Variants in INPP4B observed in about 807,000 individuals in gnomAD.
The protein encoded by INPP4B is inositol polyphosphate-4-phosphatase type II B, also known as inositol polyphosphate 4-phosphatase type II.
Under a neutral mutation model 122.5 loss-of-function variants are expected in INPP4B, and 55 were observed. The observed-to-expected ratio is 0.45, with a 90% CI of 0.36 to 0.56. INPP4B has a LOEUF of 0.56. INPP4B is among the 20% of genes least tolerant of loss of function. The pLI is 0.00. For missense variants in INPP4B, 1,000 were observed against 1,097.7 expected, an observed-to-expected ratio of 0.91 and a Z score of 1.26; for synonymous variants, 403 against 388.7, an observed-to-expected ratio of 1.04 and a Z score of -0.43.
chr4:142,346,519 T>C (rs1006657357), intron 7 of INPP4B, among the ~76,000 whole-genome samples: 1 of 151,870 alleles, frequency 6.6e-6, no homozygotes, highest in African/African-American at 2.4e-5. Context: ...CAAAATAGCA[T>C]CTGAATAAAT....
chr4:142,769,488 TTAGAG>T (rs1772693283), intron 1 of INPP4B, among the ~76,000 whole-genome samples: 1 of 152,170 alleles, frequency 6.6e-6, no homozygotes. Context: ...TATATTATCG[TTAGAG>T]TAGACATTAG....
At chr4:142,640,319 T>C (rs375558720) in intron 2 of INPP4B, among the ~76,000 whole-genome samples, 1 of 152,020 alleles carries the variant, frequency 6.6e-6, no homozygotes, top group East Asian at 1.9e-4. Flanking sequence ...CCTACAGTAA[T>C]TAAAATTATG....
chr4:142,708,676 T>A (rs10001142), intron 2 of INPP4B, among the ~76,000 whole-genome samples: 1 of 152,004 alleles, frequency 6.6e-6, no homozygotes, highest in Non-Finnish European at 1.5e-5. Context: ...TGCCTAGATT[T>A]CAGAGAATGT....
intron 7 of INPP4B, among the ~76,000 whole-genome samples, chr4:142,346,771 A>G (rs1270286313): frequency 6.6e-6 from 1 of 152,084 alleles, no homozygotes; most frequent in African/African-American, 2.4e-5. Context: ...GGTATAAATC[A>G]GAATCTTTCA....
At chr4:142,172,611 A>G (rs1466692856) in intron 16 of INPP4B, among the ~76,000 whole-genome samples, 3 of 151,838 alleles carry the variant, frequency 2.0e-5, no homozygotes, top group African/African-American at 7.3e-5. Context: ...TTTTTTCATG[A>G]AAATAGGTAT....
intron 7 of INPP4B, among the ~76,000 whole-genome samples, chr4:142,357,512 G>A (rs1476315274): frequency 1.3e-5 from 2 of 151,930 alleles, no homozygotes; most frequent in Non-Finnish European, 2.9e-5. Flanking sequence ...TACCACTTTC[G>A]TAGGGATAAA....
At chr4:142,609,970 C>T (rs1742122810) in intron 2 of INPP4B, among the ~76,000 whole-genome samples, 1 of 152,154 alleles carries the variant, frequency 6.6e-6, no homozygotes. Flanking sequence ...GTAGCCACTA[C>T]CCATATCTGG....
intron 2 of INPP4B, among the ~76,000 whole-genome samples, chr4:142,556,201 T>A (rs907593492): frequency 2.4e-4 from 36 of 152,280 alleles, no homozygotes; most frequent in African/African-American, 8.4e-4. Flanking sequence ...AAGGTGTGGC[T>A]CCTGAGCATG....
At chr4:142,557,659 C>G (rs934894169) in intron 2 of INPP4B, among the ~76,000 whole-genome samples, 1 of 151,890 alleles carries the variant, frequency 6.6e-6, no homozygotes, top group Non-Finnish European at 1.5e-5. Context: ...CCCAACATGT[C>G]GGAAGTTGTT....
Position 142,392,378 on chromosome 4 carries a change from G to A in INPP4B, c.372+10560C>T, listed in dbSNP as rs143231641. On this transcript the variant is annotated intron_variant, in intron 7 of 25. Transcript: ENST00000262992. ...GAAATGAAAAGGGGGTCTGTTATGT[G>A]CACTTATGGCATATACTTTTATTTG... Among the ~76,000 whole-genome samples, 1,084 of 152,234 alleles carry A rather than the reference G, an allele frequency of 7.1e-3. 12 individuals carry two copies. The highest frequency in any genetic ancestry group is 0.025 in the African/African-American group (1,034 of 41,524).
At chr4:142,650,674 T>A (rs1018467814) in intron 2 of INPP4B, among the ~76,000 whole-genome samples, 1 of 152,012 alleles carries the variant, frequency 6.6e-6, no homozygotes, top group African/African-American at 2.4e-5. Flanking sequence ...GAGCTAACTA[T>A]CCTAAATATA....
At chr4:142,584,922 G>A (rs1166728548) in intron 2 of INPP4B, among the ~76,000 whole-genome samples, 1 of 152,104 alleles carries the variant, frequency 6.6e-6, no homozygotes, top group African/African-American at 2.4e-5. Context: ...TAACTGTATA[G>A]AATCATGGGT....
chr4:142,263,639 A>ATATATAT (rs1741226592), intron 10 of INPP4B, among the ~76,000 whole-genome samples: 1 of 41,838 alleles, frequency 2.4e-5, no homozygotes, highest in Non-Finnish European at 6.2e-5. Flanking sequence ...AAATTCGTAA[A>ATATATAT]ATATATATAT....
chr4:142,439,379 C>T (rs1018413657), intron 3 of INPP4B, among the ~76,000 whole-genome samples: 2 of 152,172 alleles, frequency 1.3e-5, no homozygotes, highest in African/African-American at 4.8e-5. Flanking sequence ...CACCTTTATC[C>T]TTCTCAAGTG....
intron 2 of INPP4B, among the ~76,000 whole-genome samples, chr4:142,648,555 CCT>C (rs1752290960): frequency 6.6e-6 from 1 of 152,198 alleles, no homozygotes; most frequent in African/African-American, 2.4e-5. Flanking sequence ...ACCCACGAAA[CCT>C]TAATCACTGC....
In INPP4B at chr4:142,207,390, C is replaced by T. The variant is rs937127152; in HGVS notation, c.1072+1035G>A. 2.6e-5 allele frequency among the ~76,000 whole-genome samples: 4 copies of T among 152,148 alleles called. No individual in the cohort carries two copies. The East Asian group carries it at 5.8e-4, about 22-fold the overall frequency. On this transcript the variant is annotated intron_variant, in intron 14 of 25. Transcript: ENST00000262992. ...TTTGTTTTTACCATAGTGGCTATAC[C>T]AGTTTACATTTTCACTAACGGTGTA... is the stretch of plus-strand genomic sequence containing the variant.
intron 2 of INPP4B, among the ~76,000 whole-genome samples, chr4:142,539,824 T>A (rs1828722063): frequency 6.6e-6 from 1 of 152,050 alleles, no homozygotes; most frequent in Non-Finnish European, 1.5e-5. Flanking sequence ...GTAATTATGA[T>A]AAAATGAATT....
At chr4:142,501,612 G>C (rs772873165) in intron 2 of INPP4B, among the ~76,000 whole-genome samples, 1 of 151,796 alleles carries the variant, frequency 6.6e-6, no homozygotes, top group Non-Finnish European at 1.5e-5. Flanking sequence ...CCAAATAAGA[G>C]GAATTTTAAG....
chr4:142,210,064 T>A (rs1844267151), intron 12 of INPP4B, among the ~76,000 whole-genome samples: 1 of 152,184 alleles, frequency 6.6e-6, no homozygotes, highest in Non-Finnish European at 1.5e-5. Context: ...AATATGCTGC[T>A]TGGTTAGATC....
Sources: gnomAD v4.1 joint callset for allele counts (sites outside exome capture counted in the v4.1 genomes callset) on GRCh38, gnomAD v4.1.1 for gene constraint, MANE v1.5 for transcripts, NCBI Gene and HGNC (gene_info 2026-07-23, HGNC 2026-07-21) for gene names.